ANK3: variants seen among roughly 807,000 people sequenced by gnomAD.
ANK3 encodes ankyrin 3.
A neutral mutation model predicts 370.9 loss-of-function variants in ANK3; 57 were observed. The ratio of observed to expected loss-of-function variants is 0.15; its 90% CI spans 0.12 to 0.19. ANK3 has a LOEUF of 0.19. ANK3 is among the 10% of genes least tolerant of loss of function. The pLI, the probability that ANK3 is intolerant of heterozygous loss-of-function variation, is 1.00. For missense variants in ANK3, 4,439 were observed against 5,302.1 expected (o/e 0.84, Z 5.06); for synonymous variants, 1,929 against 1,946.3 (o/e 0.99, Z 0.23).
intron 1 of ANK3, among the ~76,000 whole-genome samples, chr10:60,701,462 ACGAGG>A (rs780658450): frequency 6.6e-5 from 10 of 152,190 alleles, no homozygotes; most frequent in Non-Finnish European, 2.9e-5. Flanking sequence ...AAATGAAAAG[ACGAGG>A]CAATTCACAG....
intron 38 of ANK3, 144 bp from the exon 39 acceptor site, chr10:60,064,432 C>A: frequency 1.2e-6 from 1 of 838,086 alleles, no homozygotes. Flanking sequence ...TTTTTATATA[C>A]TTGGCTTCAT....
Position 60,069,208 on chromosome 10 carries a change from C to A in ANK3, c.11673G>T (p.Gln3891His). The A allele has an allele frequency of 1.2e-6, 2 of 1,614,120 alleles. No homozygotes were observed. Among genetic ancestry groups the A allele is most frequent in the Non-Finnish European group, 8.5e-7 (1 of 1,180,004 alleles). Reference protein sequence around the residue: ...MSNTKASKMKQVSQSEKTKAL... With the variant: ...MSNTKASKMKHVSQSEKTKAL... ...CTTTGGTTTTCTCGGATTGACTAACCTGCTTCATTTTACTTGCTTTAGTGT... is the reference window on the plus strand; with the variant it reads ...CTTTGGTTTTCTCGGATTGACTAACATGCTTCATTTTACTTGCTTTAGTGT... Residue 3891 changes from glutamine (Q) to histidine (H), a missense_variant, in exon 37 of 44, where the codon CAG becomes CAT. By Grantham distance (24) the Gln-to-His change is conservative. Coordinates refer to ENST00000280772, the MANE Select transcript of ANK3 (RefSeq NM_020987.5).
chr10:60,261,647 C>CG (rs945434255), intron 7 of ANK3, among the ~76,000 whole-genome samples: 1 of 152,194 alleles, frequency 6.6e-6, no homozygotes, highest in African/African-American at 2.4e-5. Context: ...TCCATCCCAG[C>CG]TAGCATTCCT....
At position 60,328,041 on chromosome 10, in the gene ANK3, A is replaced by T. The variant is rs142531638; in HGVS notation, c.115-48402T>A. Among the ~76,000 whole-genome samples the T allele has an allele frequency of 3.0e-3, 455 of 152,334 alleles. 3 individuals are homozygous for T. The highest frequency in any genetic ancestry group is 4.5e-3 in the Non-Finnish European group (304 of 68,032). On this transcript the variant is annotated intron_variant, in intron 1 of 43. Coordinates refer to ENST00000280772, the MANE Select transcript of ANK3 (RefSeq NM_020987.5). The stretch of plus-strand genomic sequence containing the variant: ...TTAGTGAACATATTCTTAAAAAAAA[A>T]GAATCCCTTCTAAAAGGTATCCAGT...
At chr10:60,463,145 C>T (rs974991341) in intron 2 of ANK3, among the ~76,000 whole-genome samples, 3 of 152,148 alleles carry the variant, frequency 2.0e-5, no homozygotes, top group African/African-American at 7.2e-5. Context: ...ATCCAGTGAT[C>T]CATGCGCCTT....
intron 2 of ANK3, among the ~76,000 whole-genome samples, chr10:60,528,536 CA>C (rs1447885777): frequency 6.6e-6 from 1 of 152,274 alleles, no homozygotes; most frequent in Non-Finnish European, 1.5e-5. Context: ...GCCATTTTTA[CA>C]AACCAAAATA....
At chr10:60,144,331 A>G in intron 23 of ANK3, 1 of 309,758 alleles carries the variant, frequency 3.2e-6, no homozygotes, top group Non-Finnish European at 6.2e-6. Context: ...AGTGCATTAA[A>G]TGATGTGCAT....
At chr10:60,692,821 A>G (rs2079375668) in intron 1 of ANK3, among the ~76,000 whole-genome samples, 1 of 152,270 alleles carries the variant, frequency 6.6e-6, no homozygotes, top group Non-Finnish European at 1.5e-5. Flanking sequence ...GATTGTTAAA[A>G]GTGATTTTTG....
At chr10:60,680,775 TG>T (rs1482205062) in intron 1 of ANK3, among the ~76,000 whole-genome samples, 2 of 152,180 alleles carry the variant, frequency 1.3e-5, no homozygotes, top group Non-Finnish European at 2.9e-5. Context: ...ACCTGGGTCT[TG>T]GACCAGTCTG....
chr10:60,703,433 T>A (rs1348709137), intron 1 of ANK3, among the ~76,000 whole-genome samples: 2 of 152,134 alleles, frequency 1.3e-5, no homozygotes, highest in Non-Finnish European at 2.9e-5. Context: ...TGTCTATAAT[T>A]GTTATGGTTA....
At chr10:60,289,107 G>A (rs753984002) in intron 1 of ANK3, among the ~76,000 whole-genome samples, 19 of 152,184 alleles carry the variant, frequency 1.2e-4, no homozygotes, top group Non-Finnish European at 1.9e-4. Context: ...ACCTAGGGGG[G>A]CTAGCTGTGG....
chr10:60,729,676 G>A (rs1365786532), intron 1 of ANK3, among the ~76,000 whole-genome samples: 2 of 152,002 alleles, frequency 1.3e-5, no homozygotes, highest in African/African-American at 2.4e-5. Flanking sequence ...CCAAACACTA[G>A]ATCATTTAGC....
At chr10:60,119,946 G>A (rs1590276873) in intron 25 of ANK3, among the ~76,000 whole-genome samples, 1 of 151,660 alleles carries the variant, frequency 6.6e-6, no homozygotes, top group African/African-American at 2.4e-5. Context: ...ATTCTTCACA[G>A]AAATTTAAAA....
At chr10:60,522,164 G>A (rs1250307506) in intron 2 of ANK3, among the ~76,000 whole-genome samples, 2 of 151,982 alleles carry the variant, frequency 1.3e-5, no homozygotes, top group Non-Finnish European at 2.9e-5. Context: ...CCCAGCTGAA[G>A]GCTATTGTCC....
At chr10:60,300,215 C>T (rs1429177913) in intron 1 of ANK3, 6 of 599,186 alleles carry the variant, frequency 1.0e-5, no homozygotes, top group Middle Eastern at 3.0e-4. Context: ...GGTTAATTTG[C>T]TTCCTACCCA....
At chr10:60,053,186 C>G (rs958365409) in intron 42 of ANK3, among the ~76,000 whole-genome samples, 2 of 152,086 alleles carry the variant, frequency 1.3e-5, no homozygotes, top group African/African-American at 2.4e-5. Context: ...TTTGCAAAGG[C>G]TCAAGAAGTC....
At chr10:60,455,886 C>T (rs1255251845) in intron 2 of ANK3, among the ~76,000 whole-genome samples, 3 of 152,118 alleles carry the variant, frequency 2.0e-5, no homozygotes, top group South Asian at 2.1e-4. Context: ...TTGGGAGATG[C>T]GATGGATGAT....
At chr10:60,129,056 AT>A (rs2093927714) in intron 25 of ANK3, among the ~76,000 whole-genome samples, 1 of 152,220 alleles carries the variant, frequency 6.6e-6, no homozygotes, top group South Asian at 2.1e-4. Context: ...ATTAAATCCT[AT>A]TTGGAGAGGA....
At chr10:60,541,147 A>G (rs2076838503) in intron 2 of ANK3, among the ~76,000 whole-genome samples, 1 of 151,952 alleles carries the variant, frequency 6.6e-6, no homozygotes, top group East Asian at 1.9e-4. Context: ...AACATATAAT[A>G]TTATCTTAGG....
Sources: allele counts gnomAD v4.1 joint callset (sites outside exome capture counted in the v4.1 genomes callset), GRCh38; gene constraint gnomAD v4.1.1; transcripts MANE v1.5; gene names NCBI Gene and HGNC (gene_info 2026-07-23, HGNC 2026-07-21).